Variants in AQP1 observed in about 807,000 individuals in gnomAD.
AQP1 encodes the protein aquaporin 1 (Colton blood group), also known as aquaporin-1.
AQP1 carries 11 observed loss-of-function variants against 19.7 expected under a neutral mutation model. That is an observed-to-expected ratio of 0.56 (90% confidence interval 0.35 to 0.92). AQP1 has a LOEUF of 0.92. Ranked by LOEUF, AQP1 falls within the 40% of genes least tolerant of loss-of-function variation. The pLI is 0.01. For missense variants in AQP1, 320 were observed against 369.7 expected, an observed-to-expected ratio of 0.87 and a Z score of 1.10; for synonymous variants, 159 against 166.7, an observed-to-expected ratio of 0.95 and a Z score of 0.36.
At position 30,912,443 on chromosome 7, in the gene AQP1, C is replaced by T. The variant is rs529895730; in HGVS notation, c.384+150C>T. 4.1e-6 allele frequency: 5 copies of T among 1,231,330 alleles called. No individual in the cohort carries two copies. Among genetic ancestry groups the T allele is most frequent in the Non-Finnish European group, 3.3e-6 (3 of 901,276 alleles). 76.3% of individuals were successfully genotyped at this position (1,231,330 alleles called of 1,614,324 possible). On this transcript the variant is annotated intron_variant, in intron 1 of 3. Transcript: ENST00000311813. The surrounding 1 kb of genome is among the most constrained non-coding windows in gnomAD (Gnocchi z 4.3). ...TCACGTAGAGAGCTGGGGGGAAGAG[C>T]TGGGGCTGGAACTCAGCTATGCATG... is the stretch of plus-strand genomic sequence containing the variant.
intron 1 of AQP1, 159 bp from the exon 2 acceptor site, chr7:30,921,907 C>A (rs1047198955): frequency 1.3e-6 from 2 of 1,526,868 alleles, no homozygotes; most frequent in African/African-American, 2.8e-5. Flanking sequence ...CCACTACCTG[C>A]CGTGTAGGCT....
chr7:30,919,899 A>G (rs543014703), intron 1 of AQP1, among the ~76,000 whole-genome samples: 11 of 152,236 alleles, frequency 7.2e-5, no homozygotes, highest in African/African-American at 2.6e-4. Context: ...TGGTAGTGGT[A>G]GTGGGTATTG....
chr7:30,921,555 C>T (rs1791499974), intron 1 of AQP1: 4 of 1,540,624 alleles, frequency 2.6e-6, no homozygotes, highest in Non-Finnish European at 8.8e-7. Context: ...GCCAGGACCT[C>T]ACCGAAGGCC....
chr7:30,921,340 G>T (rs1791493277), intron 1 of AQP1: 1 of 1,359,904 alleles, frequency 7.4e-7, no homozygotes, highest in African/African-American at 1.5e-5. Flanking sequence ...GACGGTGGTG[G>T]CGGGGCCTAT....
intron 1 of AQP1, among the ~76,000 whole-genome samples, chr7:30,915,962 C>A (rs1791340735): frequency 6.6e-6 from 1 of 152,126 alleles, no homozygotes; most frequent in African/African-American, 2.4e-5. Context: ...GGTGGTGATG[C>A]CACATCTGGG....
At chr7:30,918,094 A>T (rs1193482761) in intron 1 of AQP1, among the ~76,000 whole-genome samples, 1 of 150,268 alleles carries the variant, frequency 6.7e-6, no homozygotes, top group East Asian at 2.0e-4. Flanking sequence ...TCCCGGGTTT[A>T]TGCCATTCTC....
chr7:30,919,606 C>T (rs1307730827), intron 1 of AQP1, among the ~76,000 whole-genome samples: 1 of 148,186 alleles, frequency 6.7e-6, no homozygotes, highest in Non-Finnish European at 1.5e-5. Flanking sequence ...GGCAAAACTA[C>T]CTGGGGATGT....
In AQP1 at chr7:30,911,905, C is replaced by T. The variant is rs1304099538; in HGVS notation, c.-5C>T. 2 of 1,613,072 alleles carry T rather than the reference C, an allele frequency of 1.2e-6. No homozygotes were observed. Among genetic ancestry groups the T allele is most frequent in the Non-Finnish European group, 8.5e-7 (1 of 1,180,042 alleles). The stretch of plus-strand genomic sequence containing the variant: ...CAGCGGTCTCAGGCCAAGCCCCCTG[C>T]CAGCATGGCCAGCGAGTTCAAGAAG... On this transcript the variant is annotated 5_prime_UTR_variant, in exon 1 of 4. Transcript: ENST00000311813.
intron 2 of AQP1, 38 bp from the exon 3 acceptor site, chr7:30,922,526 T>C: frequency 6.3e-7 from 1 of 1,578,772 alleles, no homozygotes; most frequent in Non-Finnish European, 8.7e-7. Context: ...CCTATGACTC[T>C]CTGCCTTCGC....
chr7:30,915,574 G>C (rs186248438), intron 1 of AQP1, among the ~76,000 whole-genome samples: 42 of 152,194 alleles, frequency 2.8e-4, no homozygotes, highest in African/African-American at 9.9e-4. Context: ...GAGGGCTCAG[G>C]ATTCGGGCCA....
intron 1 of AQP1, among the ~76,000 whole-genome samples, chr7:30,916,962 A>T (rs1791371707): frequency 6.6e-6 from 1 of 152,052 alleles, no homozygotes; most frequent in African/African-American, 2.4e-5. Context: ...TCATGCTGAG[A>T]TCAGCAATTC....
intron 1 of AQP1, among the ~76,000 whole-genome samples, chr7:30,918,375 C>G (rs911605864): frequency 6.6e-6 from 1 of 152,156 alleles, no homozygotes; most frequent in African/African-American, 2.4e-5. Flanking sequence ...GGGAGTCAGC[C>G]CTGGACACAT....
rs751959553 is a variant in AQP1 at position 30,914,717 on chromosome 7, C to CAGGTTT, written c.384+2424_384+2425insAGGTTT. On this transcript the variant is annotated intron_variant, in intron 1 of 3. Transcript: ENST00000311813. ...GTAGGCTCCTGCAGCCTCTCTGGCCCTGAGCCCCAGCCCAGTCAAAACCTG... is the reference window on the plus strand; with the variant it reads ...GTAGGCTCCTGCAGCCTCTCTGGCCCAGGTTTTGAGCCCCAGCCCAGTCAAAACCTG... Among the ~76,000 whole-genome samples the CAGGTTT allele has an allele frequency of 4.9e-3, 739 of 152,348 alleles. 5 individuals carry two copies. Among genetic ancestry groups the CAGGTTT allele is most frequent in the Non-Finnish European group, 7.9e-3 (535 of 68,026 alleles).
Position 30,924,922 on chromosome 7 carries a change from A to G in AQP1, c.*1293A>G, listed in dbSNP as rs1454860434. 2 of 152,044 alleles carry G rather than the reference A, an allele frequency of 1.3e-5. No homozygotes were observed. Among genetic ancestry groups the G allele is most frequent in the South Asian group, 4.1e-4 (2 of 4,824 alleles). 9.4% of individuals were successfully genotyped at this position (152,044 alleles called of 1,614,324 possible). ...GAGGGGAGAGGTCAGCCTTGACCTA[A>G]TGAGGTAGCTATAGTTGCAGCCCAA... On this transcript the variant is annotated 3_prime_UTR_variant, in exon 4 of 4. Coordinates refer to ENST00000311813, the MANE Select transcript of AQP1 (RefSeq NM_198098.4).
At position 30,912,148 on chromosome 7, in the gene AQP1, C is replaced by CA; in HGVS notation, c.240dup (p.Leu81ThrfsTer48). On this transcript the variant is annotated frameshift_variant, in exon 1 of 4. Coordinates refer to ENST00000311813, the MANE Select transcript of AQP1 (RefSeq NM_198098.4). LOFTEE classifies it high-confidence loss of function. The surrounding 1 kb of genome is among the most constrained non-coding windows in gnomAD (Gnocchi z 4.3). ...GGCGCCCACCTCAACCCGGCTGTCA[C>CA]ACTGGGGCTGCTGCTCAGCTGCCAG... is the stretch of plus-strand genomic sequence containing the variant. 6.2e-7 allele frequency: 1 copy of CA among 1,613,112 alleles called. No homozygotes were observed. Among genetic ancestry groups the CA allele is most frequent in the African/African-American group, 1.3e-5 (1 of 75,072 alleles).
At chr7:30,921,251 T>C in intron 1 of AQP1, 2 of 1,165,092 alleles carry the variant, frequency 1.7e-6, no homozygotes, top group Non-Finnish European at 2.1e-6. Context: ...AGGGCCTTCA[T>C]GACCTCACAG....
intron 1 of AQP1, among the ~76,000 whole-genome samples, chr7:30,918,139 C>CCA (rs1035618713): frequency 5.3e-4 from 81 of 152,112 alleles, no homozygotes; most frequent in African/African-American, 1.9e-3. Context: ...GGACCACAGG[C>CCA]CACCACACCC....
In AQP1 at chr7:30,923,353, A is replaced by T. The variant is rs891201031; in HGVS notation, c.631-97A>T. ...CCTGCCTCCATCCCAGGTGGGAAAA[A>T]CCTGTCCAACGGGGTGGTGGGCTGT... On this transcript the variant is annotated intron_variant, in intron 3 of 3. Coordinates refer to ENST00000311813, the MANE Select transcript of AQP1 (RefSeq NM_198098.4). The surrounding 1 kb of genome is among the most constrained non-coding windows in gnomAD (Gnocchi z 4.8). The T allele has an allele frequency of 6.3e-6, 10 of 1,587,968 alleles. No individual in the cohort carries two copies. The Admixed American group carries it at 1.2e-4, about 19-fold the overall frequency.
intron 1 of AQP1, among the ~76,000 whole-genome samples, chr7:30,917,796 C>A (rs1791395117): frequency 1.3e-5 from 2 of 152,170 alleles, no homozygotes. Context: ...GGGGTTCAAA[C>A]CCTCCCTGAT....
Sources: allele counts gnomAD v4.1 joint callset (sites outside exome capture counted in the v4.1 genomes callset), GRCh38; gene constraint gnomAD v4.1.1; non-coding constraint Gnocchi (gnomAD v3.1); transcripts MANE v1.5; gene names NCBI Gene and HGNC (gene_info 2026-07-23, HGNC 2026-07-21).